Variants in RABL6 observed in about 807,000 individuals in gnomAD.
RABL6 encodes the protein RAB, member RAS oncogene family like 6.
Under a neutral mutation model 72.9 loss-of-function variants are expected in RABL6, and 28 were observed. That is an observed-to-expected ratio of 0.38 (90% CI 0.28 to 0.53). The LOEUF (loss-of-function observed/expected upper bound fraction) is 0.53, where lower values mean the gene tolerates loss of function less well. RABL6 is among the 20% of genes least tolerant of loss of function. RABL6 has a pLI of 0.80. For synonymous variants in RABL6, 477 were observed against 421.2 expected, an observed-to-expected ratio of 1.13 and a Z score of -1.62; for missense variants, 1,029 against 1,008.4, an observed-to-expected ratio of 1.02 and a Z score of -0.28.
intron 8 of RABL6, 41 bp downstream of exon 8, chr9:136,835,886 G>C: frequency 6.5e-7 from 1 of 1,528,852 alleles, no homozygotes; most frequent in Non-Finnish European, 8.9e-7. Context: ...TGTGGGGGCT[G>C]CGGGCGTGGC....
At chr9:136,839,933 T>C in intron 13 of RABL6, 68 bp downstream of exon 13, 2 of 1,546,682 alleles carry the variant, frequency 1.3e-6, no homozygotes, top group Non-Finnish European at 1.8e-6. Context: ...TCCTCCCAGC[T>C]GCTGGCCGCT....
At position 136,821,351 on chromosome 9, in the gene RABL6, C is replaced by A. The variant is rs969785311; in HGVS notation, c.131-2174C>A. On this transcript the variant is annotated intron_variant, in intron 1 of 14. Coordinates refer to ENST00000311502, the MANE Select transcript of RABL6 (RefSeq NM_024718.5). ...CCCACTCCCGGGAAAGACCCGGAGA[C>A]GGGACCACCGCATGTGGAAACCACC... The A allele has an allele frequency of 6.1e-6, 6 of 985,354 alleles. No homozygotes were observed. In the South Asian group the frequency reaches 2.8e-4, roughly 46 times the overall value. 61.0% of individuals were successfully genotyped at this position (985,354 alleles called of 1,614,324 possible).
chr9:136,822,196 G>GT (rs1409368562), intron 1 of RABL6: 14 of 912,660 alleles, frequency 1.5e-5, no homozygotes, highest in Non-Finnish European at 1.9e-5. Flanking sequence ...AGAAAACCTG[G>GT]GGGGGGCGTT....
intron 1 of RABL6, among the ~76,000 whole-genome samples, chr9:136,819,324 G>GAAA (rs57726746): frequency 5.8e-4 from 34 of 58,938 alleles, no homozygotes; most frequent in African/African-American, 1.4e-3. Context: ...TCCGTCTCAA[G>GAAA]AAAAAAAAAA....
chr9:136,821,001 A>T (rs549514640), intron 1 of RABL6, among the ~76,000 whole-genome samples: 1 of 152,246 alleles, frequency 6.6e-6, no homozygotes, highest in South Asian at 2.1e-4. Flanking sequence ...AGTGAGAGAA[A>T]TTATTCTGTG....
intron 7 of RABL6, chr9:136,833,974 A>G (rs1431113725): frequency 6.5e-7 from 1 of 1,532,264 alleles, no homozygotes; most frequent in Admixed American, 2.0e-5. Context: ...TTGCCCTCCA[A>G]ACCCTTCCAA....
rs747515520 is a variant in RABL6 at position 136,808,251 on chromosome 9, A to G, written c.55A>G (p.Lys19Glu). 1 of 1,565,856 alleles carries G rather than the reference A, an allele frequency of 6.4e-7. No individual in the cohort carries two copies. The highest frequency in any genetic ancestry group is 8.6e-7 in the Non-Finnish European group (1 of 1,157,530). Reference sequence around the variant, plus strand: ...GTCGGACCAGGCCCCGGGCCGGGACAAGAACATCCCCGCCGGGCTGCAGTC... The same window carrying G: ...GTCGGACCAGGCCCCGGGCCGGGACGAGAACATCCCCGCCGGGCTGCAGTC... ...VGSDQAPGRD[K>E]NIPAGLQSMN... is the part of the protein sequence containing the mutation. Residue 19 changes from lysine to glutamate, a missense_variant, in exon 1 of 15, where the codon AAG becomes GAG. By Grantham distance (56) the Lys-to-Glu change is moderately conservative. This residue lies in a region of RABL6 where 434 missense variants were observed against 536.1 expected (regional missense o/e 0.81). Coordinates refer to ENST00000311502, the MANE Select transcript of RABL6 (RefSeq NM_024718.5).
At chr9:136,815,319 C>T (rs968754949) in intron 1 of RABL6, 12 of 276,282 alleles carry the variant, frequency 4.3e-5, no homozygotes, top group Non-Finnish European at 7.3e-5. Context: ...GGGTGTGGCA[C>T]CTGCAGCCTT....
At chr9:136,821,017 C>T (rs967154026) in intron 1 of RABL6, among the ~76,000 whole-genome samples, 1 of 152,180 alleles carries the variant, frequency 6.6e-6, no homozygotes. Flanking sequence ...CTGTGTGACC[C>T]CAACTCTCCG....
At position 136,839,666 on chromosome 9, in the gene RABL6, GCCTGACCAGTTGCTCTC is replaced by G; in HGVS notation, c.1759-23_1759-7del. On this transcript the variant is annotated splice_polypyrimidine_tract_variant and intron_variant, in intron 12 of 14. Coordinates refer to ENST00000311502, the MANE Select transcript of RABL6 (RefSeq NM_024718.5). ...CCCTGGGGGTGTGGGAGGGATGATG[GCCTGACCAGTTGCTCTC>G]CCTGCTCCAGGATGACTTTCCCGTG... is the stretch of plus-strand genomic sequence containing the variant. 1 of 1,564,200 alleles carries G rather than the reference GCCTGACCAGTTGCTCTC, an allele frequency of 6.4e-7. No homozygotes were observed. Among genetic ancestry groups the G allele is most frequent in the Non-Finnish European group, 8.7e-7 (1 of 1,151,838 alleles).
intron 1 of RABL6, chr9:136,809,415 C>A (rs1847954416): frequency 3.4e-6 from 1 of 296,362 alleles, no homozygotes; most frequent in South Asian, 3.1e-5. Context: ...CACCCTCACC[C>A]AGACACCTTT....
chr9:136,839,648 G>A (rs774244812), intron 12 of RABL6, 46 bp from the exon 13 acceptor site: 1 of 1,552,562 alleles, frequency 6.4e-7, no homozygotes, highest in Non-Finnish European at 8.7e-7. Context: ...AACCCCTGGG[G>A]GTGTGGGAGG....
At chr9:136,813,673 G>A in intron 1 of RABL6, 1 of 223,364 alleles carries the variant, frequency 4.5e-6, no homozygotes, top group South Asian at 6.1e-5. Context: ...GGAGTGCAGT[G>A]GCCGTGATCT....
chr9:136,832,168 G>T, intron 6 of RABL6, 97 bp from the exon 7 acceptor site: 1 of 1,161,746 alleles, frequency 8.6e-7, no homozygotes, highest in Non-Finnish European at 1.3e-6. Flanking sequence ...GCAGGAGGAG[G>T]GAGGGCAGTG....
rs777630065 is a variant in RABL6 at position 136,808,211 on chromosome 9, G to C, written c.15G>C (p.Leu5=). Residue 5 remains leucine, a synonymous_variant, in exon 1 of 15, where the codon CTG becomes CTC. Transcript: ENST00000311502. ...CGAGCGGGAAGATGTTTTCCGCCCT[G>C]AAGAAGCTGGTGGGGTCGGACCAGG... MFSA[L]KKLVGSDQAP... 2 of 1,546,276 alleles carry C rather than the reference G, an allele frequency of 1.3e-6. No individual in the cohort carries two copies. Among genetic ancestry groups the C allele is most frequent in the Non-Finnish European group, 1.7e-6 (2 of 1,148,578 alleles).
rs191514627 is a variant in RABL6 at position 136,839,029 on chromosome 9, C to A, written c.1401C>A (p.Ile467=). 530 of 1,612,512 alleles carry A rather than the reference C, an allele frequency of 3.3e-4. 8 individuals carry two copies. In the East Asian group the frequency reaches 0.01, roughly 32 times the overall value. The stretch of plus-strand genomic sequence containing the variant: ...CAGGCCCCGTCCCCAGTCAAGACAT[C>A]ACTCTTTCGAGTGAGGAGGAAGCAG... ...LPAGPVPSQD[I]TLSSEEEAEV... The change falls in exon 11 of 15, where the codon ATC becomes ATA. Residue 467 remains isoleucine (I), a synonymous_variant. Transcript: ENST00000311502.
intron 2 of RABL6, among the ~76,000 whole-genome samples, chr9:136,824,997 G>T (rs1017786029): frequency 1.3e-5 from 2 of 151,774 alleles, no homozygotes; most frequent in African/African-American, 4.9e-5. Flanking sequence ...TCTCCCCTCT[G>T]GTTCTCCCTT....
In RABL6 at chr9:136,829,342, G is replaced by T. The variant is rs1350887749; in HGVS notation, c.367-51G>T. The stretch of plus-strand genomic sequence containing the variant: ...CCTTTTCTAAAACTGTGGGCCACAC[G>T]GGTGGGGCCCAGCCTGGGCCAGTCT... On this transcript the variant is annotated intron_variant, in intron 4 of 14. Transcript: ENST00000311502. The T allele has an allele frequency of 2.9e-6, 4 of 1,397,192 alleles. No individual in the cohort carries two copies. In the South Asian group the frequency reaches 4.9e-5, roughly 17 times the overall value. The allele number at this position is 1,397,192 out of a possible 1,614,324, so 86.5% of individuals were successfully genotyped here.
intron 12 of RABL6, 52 bp from the exon 13 acceptor site, chr9:136,839,642 C>T (rs1314959758): frequency 6.4e-7 from 1 of 1,551,660 alleles, no homozygotes; most frequent in Non-Finnish European, 8.7e-7. Context: ...TCCCACAACC[C>T]CTGGGGGTGT....
Sources: gnomAD v4.1 joint callset for allele counts (sites outside exome capture counted in the v4.1 genomes callset) on GRCh38, gnomAD v4.1.1 for gene constraint, gnomAD v4.1.1 regional missense constraint, MANE v1.5 for transcripts, NCBI Gene and HGNC (gene_info 2026-07-23, HGNC 2026-07-21) for gene names.